Variants in ARSB observed in about 807,000 individuals in gnomAD.
The protein encoded by ARSB is arylsulfatase B.
In ARSB, 41 loss-of-function variants were observed where a neutral mutation model predicts 50.9. The ratio of observed to expected loss-of-function variants is 0.81; its 90% confidence interval spans 0.63 to 1.04. The LOEUF is 1.04. Among genes scored for constraint, ARSB ranks in the 50% least tolerant of loss-of-function variants. The pLI, the probability that ARSB is intolerant of heterozygous loss-of-function variation, is 0.00. For synonymous variants in ARSB, 269 were observed against 284.8 expected (o/e 0.94, Z 0.56); for missense variants, 672 against 693.3 (o/e 0.97, Z 0.35).
chr5:78,921,975 A>AAC (rs1232377717), intron 4 of ARSB, among the ~76,000 whole-genome samples: 1 of 152,158 alleles, frequency 6.6e-6, no homozygotes, highest in Non-Finnish European at 1.5e-5. Flanking sequence ...AGTGGAAAGC[A>AAC]ACACCGGCAG....
At chr5:78,862,660 A>C (rs1372780054) in intron 5 of ARSB, among the ~76,000 whole-genome samples, 1 of 152,212 alleles carries the variant, frequency 6.6e-6, no homozygotes, top group South Asian at 2.1e-4. Context: ...AGAAGAAAAA[A>C]ACCTAGGCAT....
chr5:78,939,778 A>C (rs1398929552), intron 4 of ARSB, among the ~76,000 whole-genome samples: 17 of 152,078 alleles, frequency 1.1e-4, no homozygotes, highest in Non-Finnish European at 2.9e-5. Flanking sequence ...ATGATTTATA[A>C]TCCTTTGGGT....
intron 4 of ARSB, among the ~76,000 whole-genome samples, chr5:78,928,780 A>T (rs925065501): frequency 2.0e-5 from 3 of 152,226 alleles, no homozygotes; most frequent in African/African-American, 7.2e-5. Flanking sequence ...GCCTGTTTTA[A>T]TATAACAATG....
At chr5:78,919,492 T>C (rs1474105823) in intron 4 of ARSB, among the ~76,000 whole-genome samples, 6 of 152,096 alleles carry the variant, frequency 3.9e-5, no homozygotes, top group African/African-American at 7.2e-5. Context: ...TTCATTTATT[T>C]ATTTATTTAT....
intron 6 of ARSB, among the ~76,000 whole-genome samples, chr5:78,824,348 T>C (rs1744350659): frequency 6.6e-6 from 1 of 152,266 alleles, no homozygotes; most frequent in Non-Finnish European, 1.5e-5. Flanking sequence ...TAGTCTTAAA[T>C]ACTTATACAA....
intron 4 of ARSB, among the ~76,000 whole-genome samples, chr5:78,916,210 G>A (rs754085901): frequency 2.1e-4 from 32 of 152,114 alleles, no homozygotes; most frequent in African/African-American, 5.8e-4. Context: ...CTCAGCAGGC[G>A]GTCTATGACA....
At chr5:78,852,394 C>T (rs1455184409) in intron 5 of ARSB, among the ~76,000 whole-genome samples, 2 of 152,104 alleles carry the variant, frequency 1.3e-5, no homozygotes, top group Admixed American at 6.5e-5. Context: ...CCCCACTCTC[C>T]TCTGGCTTGT....
intron 4 of ARSB, among the ~76,000 whole-genome samples, chr5:78,914,514 T>C (rs1364016026): frequency 1.3e-5 from 2 of 152,224 alleles, no homozygotes; most frequent in African/African-American, 2.4e-5. Context: ...CAGAGTCTAT[T>C]ATTTAACAAT....
chr5:78,849,280 A>G (rs1294815793), intron 5 of ARSB, among the ~76,000 whole-genome samples: 1 of 152,196 alleles, frequency 6.6e-6, no homozygotes, highest in Non-Finnish European at 1.5e-5. Flanking sequence ...AGCTTTCTAC[A>G]TATGGCTAGC....
At chr5:78,846,635 G>GT (rs1561454901) in intron 5 of ARSB, among the ~76,000 whole-genome samples, 2 of 152,130 alleles carry the variant, frequency 1.3e-5, no homozygotes, top group East Asian at 3.9e-4. Context: ...TTTATCAGTT[G>GT]TAAGAGTTTT....
At chr5:78,934,945 T>C (rs1432720976) in intron 4 of ARSB, among the ~76,000 whole-genome samples, 23 of 152,152 alleles carry the variant, frequency 1.5e-4, no homozygotes, top group Non-Finnish European at 1.5e-5. Flanking sequence ...TTGATTTTTC[T>C]AGTAGTATAT....
intron 4 of ARSB, among the ~76,000 whole-genome samples, chr5:78,942,732 G>C (rs1034689204): frequency 3.9e-5 from 6 of 152,192 alleles, no homozygotes; most frequent in African/African-American, 1.4e-4. Flanking sequence ...GGTGTGGTGT[G>C]GTGCTGAAAA....
intron 5 of ARSB, among the ~76,000 whole-genome samples, chr5:78,851,432 T>C (rs1038342032): frequency 6.6e-5 from 10 of 152,196 alleles, no homozygotes; most frequent in African/African-American, 2.4e-4. Flanking sequence ...AGACAGTTTG[T>C]TATAATTTCT....
intron 2 of ARSB, among the ~76,000 whole-genome samples, chr5:78,967,908 CAGAT>C (rs1301018123): frequency 3.9e-5 from 6 of 151,956 alleles, no homozygotes; most frequent in African/African-American, 1.5e-4. Context: ...AATAGCTAAA[CAGAT>C]AGCTCACTAT....
chr5:78,844,276 G>C (rs1745350795), intron 5 of ARSB, among the ~76,000 whole-genome samples: 1 of 152,066 alleles, frequency 6.6e-6, no homozygotes, highest in African/African-American at 2.4e-5. Context: ...GATTTGATTT[G>C]CATTTTCCTA....
At chr5:78,899,629 G>A (rs1748714353) in intron 4 of ARSB, among the ~76,000 whole-genome samples, 1 of 152,052 alleles carries the variant, frequency 6.6e-6, no homozygotes, top group Non-Finnish European at 1.5e-5. Flanking sequence ...GAGTTCTTCA[G>A]TTTGGCAAAT....
chr5:78,876,067 T>C (rs73126619), intron 5 of ARSB, among the ~76,000 whole-genome samples: 7,564 of 152,226 alleles, frequency 0.05, 593 homozygotes, highest in African/African-American at 0.17. Flanking sequence ...AAAATTACTT[T>C]AAAATATTAA....
At chr5:78,800,880 T>C (rs1271048697) in intron 6 of ARSB, among the ~76,000 whole-genome samples, 1 of 152,078 alleles carries the variant, frequency 6.6e-6, no homozygotes, top group Non-Finnish European at 1.5e-5. Flanking sequence ...GATGAAGGCT[T>C]GCACTAAAAC....
intron 4 of ARSB, among the ~76,000 whole-genome samples, chr5:78,943,637 C>T (rs1249414339): frequency 9.2e-5 from 14 of 152,286 alleles, no homozygotes; most frequent in South Asian, 2.1e-4. Flanking sequence ...GAGTTTCTGC[C>T]GAGAGACCGA....
Sources: gnomAD v4.1 joint callset for allele counts (sites outside exome capture counted in the v4.1 genomes callset) on GRCh38, gnomAD v4.1.1 for gene constraint, MANE v1.5 for transcripts, NCBI Gene and HGNC (gene_info 2026-07-23, HGNC 2026-07-21) for gene names.